Variants in GATA4 observed in about 807,000 individuals in gnomAD.
The protein encoded by GATA4 is transcription factor GATA-4.
A neutral mutation model predicts 37.9 loss-of-function variants in GATA4; 7 were observed. The ratio of observed to expected loss-of-function variants is 0.18; its 90% confidence interval spans 0.11 to 0.35. The LOEUF is 0.35. Among genes scored for constraint, GATA4 ranks in the 10% least tolerant of loss-of-function variants. The pLI, the probability that GATA4 is intolerant of heterozygous loss-of-function variation, is 1.00. For synonymous variants in GATA4, 372 were observed against 292.6 expected, an observed-to-expected ratio of 1.27 and a Z score of -2.77; for missense variants, 647 against 653.0, an observed-to-expected ratio of 0.99 and a Z score of 0.10.
At chr8:11,693,767 C>G (rs1265167322) in intron 1 of GATA4, among the ~76,000 whole-genome samples, 1 of 152,252 alleles carries the variant, frequency 6.6e-6, no homozygotes, top group Non-Finnish European at 1.5e-5. Context: ...CAAATGGGCA[C>G]TCCGCAGGTC....
upstream of GATA4, among the ~76,000 whole-genome samples, chr8:11,700,345 G>C (rs1215438018): frequency 1.3e-5 from 2 of 152,220 alleles, no homozygotes; most frequent in African/African-American, 2.4e-5. Context: ...CTCTCCTCTC[G>C]TCTGTAACCG....
At chr8:11,743,843 C>T (rs776145676) in intron 2 of GATA4, among the ~76,000 whole-genome samples, 41 of 152,144 alleles carry the variant, frequency 2.7e-4, no homozygotes, top group Admixed American at 5.2e-4. Context: ...CATACTGCAC[C>T]GGCTCGCTGA....
intron 2 of GATA4, among the ~76,000 whole-genome samples, chr8:11,726,701 A>G (rs1800939740): frequency 6.6e-6 from 1 of 152,144 alleles, no homozygotes; most frequent in South Asian, 2.1e-4. Context: ...GGAGGCCCAG[A>G]GCCAGGCAAG....
upstream of GATA4, among the ~76,000 whole-genome samples, chr8:11,690,540 T>C (rs1799276609): frequency 1.3e-5 from 2 of 151,798 alleles, no homozygotes; most frequent in South Asian, 4.2e-4. Context: ...GATTCTGGAA[T>C]AAGGATGGAA....
chr8:11,708,535 G>T lies in GATA4; in HGVS notation c.223G>T (p.Ala75Ser), dbSNP rs556967140. Residue 75 changes from alanine (A) to serine (S), a missense_variant, in exon 2 of 7, where the codon GCG becomes TCG. Around this residue, in one of 5 missense-constraint regions of GATA4, gnomAD observed 379 missense variants for 334.5 expected, o/e 1.13. Coordinates refer to ENST00000532059, the MANE Select transcript of GATA4 (RefSeq NM_001308093.3). This position sits in a 1 kb window ranked among gnomAD's most constrained non-coding sequence, Gnocchi z 6.7. Reference sequence around the variant, plus strand: ...CTCGGGCGGCAGCTCCGGTGGGGCCGCGTCTGGTGCGGGGCCCGGGACCCA... The same window carrying T: ...CTCGGGCGGCAGCTCCGGTGGGGCCTCGTCTGGTGCGGGGCCCGGGACCCA... ...GASGGSSGGA[A>S]SGAGPGTQQG... 1.4e-4 allele frequency: 200 copies of T among 1,439,550 alleles called. 4 individuals are homozygous for T. In the South Asian group the frequency reaches 2.8e-3, roughly 20 times the overall value. 89.2% of individuals were successfully genotyped at this position (1,439,550 alleles called of 1,614,324 possible). A position where few individuals can be genotyped will look rare whatever the true frequency, so the allele number is the denominator to read the frequency against.
At chr8:11,700,205 G>C (rs549984091), upstream of GATA4, among the ~76,000 whole-genome samples, 1 of 152,244 alleles carries the variant, frequency 6.6e-6, no homozygotes, top group African/African-American at 2.4e-5. Flanking sequence ...GGGTGTGCCA[G>C]AAACTCTGGT....
chr8:11,754,548 G>A (rs1802459583), intron 4 of GATA4, among the ~76,000 whole-genome samples: 1 of 152,164 alleles, frequency 6.6e-6, no homozygotes, highest in South Asian at 2.1e-4. Context: ...CAGGGTCCTT[G>A]TGTGGATGAT....
chr8:11,736,337 C>A (rs1314990431), intron 2 of GATA4, among the ~76,000 whole-genome samples: 2 of 152,252 alleles, frequency 1.3e-5, no homozygotes, highest in East Asian at 3.8e-4. Flanking sequence ...GCCTAGAAAT[C>A]ATCTGTTCCA....
upstream of GATA4, among the ~76,000 whole-genome samples, chr8:11,691,630 T>C (rs1207620060): frequency 6.6e-6 from 1 of 152,210 alleles, no homozygotes; most frequent in Non-Finnish European, 1.5e-5. Context: ...GTTAAGTGAC[T>C]CGCCTGTGGG....
At chr8:11,693,234 G>C (rs1485114585) in intron 1 of GATA4, among the ~76,000 whole-genome samples, 3 of 152,352 alleles carry the variant, frequency 2.0e-5, no homozygotes, top group South Asian at 2.1e-4. Flanking sequence ...GTGAGGCAGA[G>C]GCGGCAGGAT....
At position 11,705,074 on chromosome 8, in the gene GATA4, C is replaced by T. The variant is rs376553949; in HGVS notation, c.-458+770C>T. Among the ~76,000 whole-genome samples the T allele has an allele frequency of 1.6e-3, 239 of 152,316 alleles. 1 individual carries two copies. The highest frequency in any genetic ancestry group is 5.6e-3 in the African/African-American group (231 of 41,562). On this transcript the variant is annotated intron_variant, in intron 1 of 6. Transcript: ENST00000532059. ...GGGTCACCGTGGGCAGAGGGGGGTGCCGGGGTCGCGGACTGCCACCAGGTT... is the reference window on the plus strand; with the variant it reads ...GGGTCACCGTGGGCAGAGGGGGGTGTCGGGGTCGCGGACTGCCACCAGGTT...
At chr8:11,681,253 GGAGCGACT>G (rs1798961740) in intron 1 of GATA4, 1 of 985,290 alleles carries the variant, frequency 1.0e-6, no homozygotes, top group South Asian at 4.7e-5. Context: ...AGCTCGTCTG[GGAGCGACT>G]GGATTCCCAG....
At chr8:11,690,089 G>C (rs139213338), upstream of GATA4, among the ~76,000 whole-genome samples, 1,647 of 152,338 alleles carry the variant, frequency 0.011, 20 homozygotes, top group South Asian at 0.035. Flanking sequence ...GTGTCAGAGA[G>C]AGGCTGTCTC....
intron 2 of GATA4, among the ~76,000 whole-genome samples, chr8:11,710,257 C>T (rs1450230151): frequency 1.3e-5 from 2 of 152,152 alleles, no homozygotes; most frequent in African/African-American, 2.4e-5. Flanking sequence ...TCCCCCTCAC[C>T]CCTCTTGGGG....
chr8:11,740,189 G>C (rs1437884865), intron 2 of GATA4, among the ~76,000 whole-genome samples: 1 of 152,140 alleles, frequency 6.6e-6, no homozygotes, highest in Non-Finnish European at 1.5e-5. Context: ...GGCATGCTGC[G>C]TGTGGCTTTT....
At chr8:11,752,030 C>T (rs1277227506) in intron 4 of GATA4, among the ~76,000 whole-genome samples, 3 of 152,128 alleles carry the variant, frequency 2.0e-5, no homozygotes, top group Non-Finnish European at 4.4e-5. Context: ...TAGAAACAAC[C>T]TTAAAACCCC....
At chr8:11,740,608 T>G (rs772217143) in intron 2 of GATA4, among the ~76,000 whole-genome samples, 6 of 152,232 alleles carry the variant, frequency 3.9e-5, no homozygotes, top group Non-Finnish European at 7.3e-5. Flanking sequence ...GGGTGACAGC[T>G]GGCAAGACAG....
intron 1 of GATA4, chr8:11,693,035 G>A (rs963589317): frequency 2.0e-6 from 2 of 985,284 alleles, no homozygotes; most frequent in African/African-American, 1.7e-5. Context: ...CAGCGCCTGC[G>A]GGGCCTCTGC....
Position 11,708,978 on chromosome 8 carries a change from G to A in GATA4, c.616+50G>A. ...GCGCGTGAGGGCCGGGGCAGGGGCC[G>A]TCTTGAGCCCTGTCGAGGGCCTCTT... On this transcript the variant is annotated intron_variant, in intron 2 of 6. Coordinates refer to ENST00000532059, the MANE Select transcript of GATA4 (RefSeq NM_001308093.3). This position sits in a 1 kb window ranked among gnomAD's most constrained non-coding sequence, Gnocchi z 6.7. 2.0e-6 allele frequency: 3 copies of A among 1,495,500 alleles called. No individual in the cohort carries two copies. The highest frequency in any genetic ancestry group is 2.7e-6 in the Non-Finnish European group (3 of 1,127,934). The allele number at this position is 1,495,500 out of a possible 1,614,324, so 92.6% of individuals were successfully genotyped here.
Sources: gnomAD v4.1 joint callset for allele counts (sites outside exome capture counted in the v4.1 genomes callset) on GRCh38, gnomAD v4.1.1 for gene constraint, gnomAD v4.1.1 regional missense constraint, Gnocchi (gnomAD v3.1) non-coding constraint, MANE v1.5 for transcripts, NCBI Gene and HGNC (gene_info 2026-07-23, HGNC 2026-07-21) for gene names.